The following FRY variants were observed in gnomAD, a reference collection of about 807,000 sequenced individuals.
The protein encoded by FRY is FRY microtubule binding protein, also known as protein furry homolog.
In FRY, 128 loss-of-function variants were observed where a neutral mutation model predicts 348.4. The ratio of observed to expected loss-of-function variants is 0.37; its 90% confidence interval spans 0.32 to 0.43. FRY has a LOEUF of 0.43. Ranked by LOEUF, FRY falls within the 20% of genes least tolerant of loss-of-function variation. FRY has a pLI of 1.00. For missense variants in FRY, 2,736 were observed against 3,695.2 expected (o/e 0.74, Z 6.73); for synonymous variants, 1,370 against 1,374.7 (o/e 1.00, Z 0.08).
Position 32,254,248 on chromosome 13 carries a change from C to G in FRY, c.7270C>G (p.Leu2424Val), listed in dbSNP as rs766472211. ...PSVIFSSCGD[L>V]DLLEHQTSLV... ...GGTGATTTTTTCATCGTGTGGGGAT[C>G]TGGATCTGCTTGAGCACCAGACAAG... The change falls in exon 51 of 61, where the codon CTG (leucine) becomes GTG (valine). Residue 2424 changes from leucine to valine, a missense_variant. Transcript: ENST00000542859. 1 of 1,614,046 alleles carries G rather than the reference C, an allele frequency of 6.2e-7. No individual in the cohort carries two copies.
At chr13:32,271,491 C>A (rs1256188673) in intron 55 of FRY, among the ~76,000 whole-genome samples, 2 of 152,130 alleles carry the variant, frequency 1.3e-5, no homozygotes, top group Non-Finnish European at 2.9e-5. Flanking sequence ...TGGCCCTGGC[C>A]CCGCCACAGA....
In FRY at chr13:32,161,124, A is replaced by AT. The variant is rs1469946773; in HGVS notation, c.1785-16dup. On this transcript the variant is annotated intron_variant, in intron 16 of 60. Coordinates refer to ENST00000542859, the MANE Select transcript of FRY (RefSeq NM_023037.3). ...TCACAGCTTTTTGACCTATTTTAAAATTTTGTCTTCTAATTCTAGGGGTGA... is the reference window on the plus strand; with the variant it reads ...TCACAGCTTTTTGACCTATTTTAAAATTTTTGTCTTCTAATTCTAGGGGTGA... 6.7e-7 allele frequency: 1 copy of AT among 1,491,016 alleles called. No homozygotes were observed. The highest frequency in any genetic ancestry group is 9.4e-7 in the Non-Finnish European group (1 of 1,068,068). The allele number at this position is 1,491,016 out of a possible 1,614,324, so 92.4% of individuals were successfully genotyped here. A position where few individuals can be genotyped will look rare whatever the true frequency, so the allele number is the denominator to read the frequency against.
In FRY at chr13:32,064,896, G is replaced by A. The variant is rs958953709; in HGVS notation, c.71-13938G>A. On this transcript the variant is annotated intron_variant, in intron 1 of 60. Transcript: ENST00000542859. ...AAGCGAAAATAGTTCTGAAAGGGCCGTAATCATGTCATATGATAAAAGATG... is the reference window on the plus strand; with the variant it reads ...AAGCGAAAATAGTTCTGAAAGGGCCATAATCATGTCATATGATAAAAGATG... 6.6e-5 allele frequency among the ~76,000 whole-genome samples: 10 copies of A among 152,278 alleles called. No individual in the cohort carries two copies. In the South Asian group the frequency reaches 8.3e-4, roughly 13 times the overall value.
At chr13:32,220,551 G>A (rs966778977) in intron 36 of FRY, among the ~76,000 whole-genome samples, 2 of 152,230 alleles carry the variant, frequency 1.3e-5, no homozygotes, top group African/African-American at 4.8e-5. Flanking sequence ...AGATTTTAGA[G>A]ATGAGGAAAG....
At chr13:32,215,681 T>C (rs1884949821) in intron 35 of FRY, among the ~76,000 whole-genome samples, 1 of 152,160 alleles carries the variant, frequency 6.6e-6, no homozygotes, top group African/African-American at 2.4e-5. Context: ...GCAGTCCTCC[T>C]GCCTCAGCCT....
At chr13:32,201,623 AAAGT>A (rs1232644108) in intron 29 of FRY, among the ~76,000 whole-genome samples, 3 of 53,942 alleles carry the variant, frequency 5.6e-5, no homozygotes, top group Non-Finnish European at 1.3e-4. Context: ...GGTTTGCATT[AAAGT>A]CATTAAAGTC....
At chr13:32,245,013 A>G (rs981986671) in intron 47 of FRY, among the ~76,000 whole-genome samples, 4 of 152,014 alleles carry the variant, frequency 2.6e-5, no homozygotes, top group African/African-American at 4.8e-5. Context: ...GCAGTGGCAC[A>G]ATCTCGGCTC....
At chr13:32,259,406 C>T (rs1225188883) in intron 51 of FRY, among the ~76,000 whole-genome samples, 1 of 152,224 alleles carries the variant, frequency 6.6e-6, no homozygotes, top group Non-Finnish European at 1.5e-5. Context: ...GAACAGCTTT[C>T]CCTGCCTCCC....
chr13:32,156,723 A>G (rs1881143044), intron 15 of FRY, among the ~76,000 whole-genome samples: 1 of 152,178 alleles, frequency 6.6e-6, no homozygotes. Context: ...TCGTATACAC[A>G]TTCGTCTTCC....
intron 31 of FRY, among the ~76,000 whole-genome samples, chr13:32,205,423 T>C (rs1884298955): frequency 6.6e-6 from 1 of 152,146 alleles, no homozygotes; most frequent in African/African-American, 2.4e-5. Context: ...AAGTAGTTGA[T>C]AGACATTACA....
intron 14 of FRY, 34 bp from the exon 15 acceptor site, chr13:32,155,457 T>C (rs1461491499): frequency 2.6e-6 from 4 of 1,556,200 alleles, no homozygotes; most frequent in African/African-American, 1.4e-5. Context: ...TAATTGGGCC[T>C]TTCCTTTTGT....
At chr13:32,068,080 G>A (rs1874373441) in intron 1 of FRY, among the ~76,000 whole-genome samples, 1 of 152,088 alleles carries the variant, frequency 6.6e-6, no homozygotes. Flanking sequence ...AACCTTTCAG[G>A]TGACTGTGAT....
intron 10 of FRY, among the ~76,000 whole-genome samples, chr13:32,135,427 T>C (rs1430901366): frequency 6.6e-6 from 1 of 152,204 alleles, no homozygotes; most frequent in Non-Finnish European, 1.5e-5. Context: ...GAGTCTGTTA[T>C]TTACTTTCAA....
intron 39 of FRY, among the ~76,000 whole-genome samples, chr13:32,227,506 A>T (rs1390439959): frequency 6.6e-6 from 1 of 152,228 alleles, no homozygotes; most frequent in Non-Finnish European, 1.5e-5. Flanking sequence ...GAAAAGGGAT[A>T]GTTGCATATA....
intron 58 of FRY, among the ~76,000 whole-genome samples, chr13:32,279,859 A>G (rs768529274): frequency 2.6e-4 from 39 of 152,228 alleles, no homozygotes; most frequent in Non-Finnish European, 4.8e-4. Flanking sequence ...TCCTGAGAGT[A>G]ACATTGTCCA....
chr13:32,045,061 AT>A (rs1223080669), intron 1 of FRY, among the ~76,000 whole-genome samples: 2 of 151,962 alleles, frequency 1.3e-5, no homozygotes, highest in Non-Finnish European at 2.9e-5. Flanking sequence ...AATTTTCACT[AT>A]TTTTTCCCCA....
chr13:32,202,951 A>C (rs9567422), intron 31 of FRY, among the ~76,000 whole-genome samples: 1 of 145,686 alleles, frequency 6.9e-6, no homozygotes, highest in Non-Finnish European at 1.6e-5. Flanking sequence ...AGTCTCAAAA[A>C]AAAAAAAAAA....
At chr13:32,129,129 G>A (rs1279142701) in intron 7 of FRY, among the ~76,000 whole-genome samples, 1 of 152,310 alleles carries the variant, frequency 6.6e-6, no homozygotes, top group East Asian at 1.9e-4. Flanking sequence ...AAGAAGGGGA[G>A]ACGAGTACAG....
intron 1 of FRY, among the ~76,000 whole-genome samples, chr13:32,052,674 A>G (rs1346108855): frequency 6.6e-6 from 1 of 152,194 alleles, no homozygotes; most frequent in Non-Finnish European, 1.5e-5. Flanking sequence ...AAAACACTTG[A>G]TCTGTATTTG....
Sources: gnomAD v4.1 joint callset for allele counts (sites outside exome capture counted in the v4.1 genomes callset) on GRCh38, gnomAD v4.1.1 for gene constraint, MANE v1.5 for transcripts, NCBI Gene and HGNC (gene_info 2026-07-23, HGNC 2026-07-21) for gene names.